The following ANO2 variants were observed in gnomAD, a reference collection of about 807,000 sequenced individuals.
ANO2 encodes anoctamin-2.
In ANO2, 101 loss-of-function variants were observed where a neutral mutation model predicts 124.2. The observed-to-expected ratio is 0.81, with a 90% CI of 0.69 to 0.96. The LOEUF (loss-of-function observed/expected upper bound fraction) is 0.96. Ranked by LOEUF, ANO2 falls within the 40% of genes least tolerant of loss-of-function variation. The pLI, the probability that ANO2 is intolerant of heterozygous loss-of-function variation, is 0.00. For missense variants in ANO2, 1,293 were observed against 1,274.5 expected (o/e 1.01, Z -0.22); for synonymous variants, 486 against 482.5 (o/e 1.01, Z -0.09).
chr12:5,755,607 C>G (rs1951559387), intron 10 of ANO2, among the ~76,000 whole-genome samples: 1 of 151,944 alleles, frequency 6.6e-6, no homozygotes, highest in African/African-American at 2.4e-5. Context: ...TTCCTGTGTT[C>G]ATGTGTTCTC....
intron 10 of ANO2, among the ~76,000 whole-genome samples, chr12:5,765,409 AT>A (rs1276961028): frequency 6.6e-6 from 1 of 152,124 alleles, no homozygotes; most frequent in Non-Finnish European, 1.5e-5. Flanking sequence ...TTTACTTCTA[AT>A]TTTTAAACAT....
rs757262501 is a variant in ANO2, at chr12:5,658,452, C to T, written c.1546-10651G>A. On this transcript the variant is annotated intron_variant, in intron 14 of 24. Coordinates refer to ENST00000682330, the MANE Select transcript of ANO2 (RefSeq NM_001364791.2). The surrounding 1 kb of genome is among the most constrained non-coding windows in gnomAD (Gnocchi z 4.3). The stretch of plus-strand genomic sequence containing the variant: ...CCATCAAAATTAACATAATCATCAA[C>T]ATCATCATCATATCATCACTATCAT... 4.7e-4 allele frequency among the ~76,000 whole-genome samples: 13 copies of T among 27,640 alleles called. No homozygotes were observed. Among genetic ancestry groups the T allele is most frequent in the Non-Finnish European group, 1.4e-3 (13 of 9,220 alleles). 18.1% of individuals were successfully genotyped at this position (27,640 alleles called of 152,430 possible).
chr12:5,590,298 G>A (rs1943330733), intron 20 of ANO2, among the ~76,000 whole-genome samples: 1 of 152,158 alleles, frequency 6.6e-6, no homozygotes, highest in Admixed American at 6.5e-5. Flanking sequence ...ATGTGGCCCA[G>A]GGAAGCCAGA....
At chr12:5,646,141 A>C (rs1946627359) in intron 15 of ANO2, among the ~76,000 whole-genome samples, 1 of 152,200 alleles carries the variant, frequency 6.6e-6, no homozygotes, top group South Asian at 2.1e-4. Flanking sequence ...GCCATCCATC[A>C]ACCCTAATTT....
rs914215136 is a variant in ANO2 at position 5,928,488 on chromosome 12, C to T, written c.23-5684G>A. Among the ~76,000 whole-genome samples, 11 of 146,364 alleles carry T rather than the reference C, an allele frequency of 7.5e-5. 1 individual carries two copies. The highest frequency in any genetic ancestry group is 2.7e-4 in the African/African-American group (11 of 40,514). ...CCTTCGTCACTAGTCTACTTTCCTTCCTCACTGGTCTACTTTCCTTCCTCT... is the reference window on the plus strand; with the variant it reads ...CCTTCGTCACTAGTCTACTTTCCTTTCTCACTGGTCTACTTTCCTTCCTCT... On this transcript the variant is annotated intron_variant, in intron 1 of 24. Transcript: ENST00000682330.
chr12:5,655,641 A>G (rs990968188), intron 14 of ANO2, among the ~76,000 whole-genome samples: 1 of 152,244 alleles, frequency 6.6e-6, no homozygotes, highest in Non-Finnish European at 1.5e-5. Context: ...ACAATTGGCT[A>G]TGTGCCTTAG....
rs1484619027 is a variant in ANO2, at chr12:5,854,415, AAAAAAC to A, written c.535-280_535-275del. Among the ~76,000 whole-genome samples, 54 of 151,810 alleles carry A rather than the reference AAAAAAC, an allele frequency of 3.6e-4. 2 individuals are homozygous for A. In the South Asian group the frequency reaches 0.011, roughly 31 times the overall value. On this transcript the variant is annotated intron_variant, in intron 3 of 24. Coordinates refer to ENST00000682330, the MANE Select transcript of ANO2 (RefSeq NM_001364791.2). Reference sequence around the variant, plus strand: ...CTTCAGAGCAAAAAAAAAAAAAAAAAAAAAACAAGTTAAAACAATTTTGGTCACAGA... The same window carrying A: ...CTTCAGAGCAAAAAAAAAAAAAAAAAAAGTTAAAACAATTTTGGTCACAGA...
rs951675450 is a variant in ANO2, at chr12:5,573,932, T to C, written c.2621+1902A>G. Among the ~76,000 whole-genome samples the C allele has an allele frequency of 5.3e-5, 8 of 152,348 alleles. No homozygotes were observed. The East Asian group carries it at 1.2e-3, about 22-fold the overall frequency. On this transcript the variant is annotated intron_variant, in intron 23 of 24. Transcript: ENST00000682330. ...GGGAAAACCAATTGGTGTTCTCTCG[T>C]TCATGGTCTCAGACCACAAATCTGA... is the stretch of plus-strand genomic sequence containing the variant.
intron 3 of ANO2, among the ~76,000 whole-genome samples, chr12:5,868,668 C>T (rs1338566142): frequency 6.6e-6 from 1 of 152,178 alleles, no homozygotes; most frequent in African/African-American, 2.4e-5. Context: ...CATTTTCTCC[C>T]CCTCTATGAG....
At position 5,683,802 on chromosome 12, in the gene ANO2, A is replaced by AG. The variant is rs1363925430; in HGVS notation, c.1546-36002dup. On this transcript the variant is annotated intron_variant, in intron 14 of 24. Coordinates refer to ENST00000682330, the MANE Select transcript of ANO2 (RefSeq NM_001364791.2). ...GAACTCAGTGAGGACAGGGCAGGGT[A>AG]GGGAGGGCTTCCTGGAGGAGGCAGG... Among the ~76,000 whole-genome samples, 28 of 152,084 alleles carry AG rather than the reference A, an allele frequency of 1.8e-4. 1 individual carries two copies. In the East Asian group the frequency reaches 5.3e-3, roughly 29 times the overall value.
At chr12:5,609,129 T>G (rs1229630316) in intron 19 of ANO2, 3 of 152,236 alleles carry the variant, frequency 2.0e-5, no homozygotes, top group African/African-American at 4.8e-5. Context: ...GATGGTAAGC[T>G]CCTAGAGAAC....
At chr12:5,652,086 T>G (rs1946940498) in intron 14 of ANO2, among the ~76,000 whole-genome samples, 1 of 152,200 alleles carries the variant, frequency 6.6e-6, no homozygotes, top group Non-Finnish European at 1.5e-5. Flanking sequence ...GGTGTGAACA[T>G]AGGTTTTCAT....
intron 11 of ANO2, among the ~76,000 whole-genome samples, chr12:5,749,022 A>T (rs892479513): frequency 6.6e-6 from 1 of 152,168 alleles, no homozygotes; most frequent in Admixed American, 6.5e-5. Context: ...TTTGCAAACC[A>T]TTTGCATAGA....
intron 1 of ANO2, among the ~76,000 whole-genome samples, chr12:5,935,129 T>G (rs1052924682): frequency 3.3e-5 from 5 of 152,210 alleles, no homozygotes; most frequent in Admixed American, 6.5e-5. Context: ...GTTACAGCTT[T>G]TTTAACTGGT....
At chr12:5,578,157 G>GCCC (rs772993558) in intron 21 of ANO2, 150 bp from the exon 22 acceptor site, 160 of 1,235,236 alleles carry the variant, frequency 1.3e-4, no homozygotes, top group Admixed American at 8.9e-4. Context: ...GGCTTAGGTA[G>GCCC]CCCCCCCATC....
chr12:5,613,716 A>C (rs56027274), intron 17 of ANO2, among the ~76,000 whole-genome samples: 39,064 of 151,996 alleles, frequency 0.26, 5,434 homozygotes, highest in African/African-American at 0.35. Flanking sequence ...CCAACACTTT[A>C]TTTATACCTC....
At chr12:5,918,260 G>T (rs1941491711) in intron 3 of ANO2, among the ~76,000 whole-genome samples, 1 of 152,108 alleles carries the variant, frequency 6.6e-6, no homozygotes, top group Non-Finnish European at 1.5e-5. Context: ...TTCCTACATG[G>T]GTGGAAAGAC....
At chr12:5,867,130 T>C (rs1243257085) in intron 3 of ANO2, among the ~76,000 whole-genome samples, 3 of 152,190 alleles carry the variant, frequency 2.0e-5, no homozygotes, top group Non-Finnish European at 2.9e-5. Flanking sequence ...TACTCCTTCA[T>C]AGCAGAGATC....
chr12:5,779,972 G>T (rs2137132208), intron 10 of ANO2, among the ~76,000 whole-genome samples: 1 of 152,282 alleles, frequency 6.6e-6, no homozygotes, highest in East Asian at 1.9e-4. Flanking sequence ...GCTAAAACAG[G>T]AAATAATTGG....
Sources: gnomAD v4.1 joint callset for allele counts (sites outside exome capture counted in the v4.1 genomes callset) on GRCh38, gnomAD v4.1.1 for gene constraint, Gnocchi (gnomAD v3.1) non-coding constraint, MANE v1.5 for transcripts, NCBI Gene and HGNC (gene_info 2026-07-23, HGNC 2026-07-21) for gene names.